The following KIAA1217 variants were observed in gnomAD, a reference collection of about 807,000 sequenced individuals.
KIAA1217 encodes the protein KIAA1217.
In KIAA1217, 88 loss-of-function variants were observed where a neutral mutation model predicts 163.9. The observed-to-expected ratio is 0.54, with a 90% CI of 0.45 to 0.64. The LOEUF (loss-of-function observed/expected upper bound fraction) is 0.64. KIAA1217 is among the 30% of genes least tolerant of loss of function. The pLI is 0.00. For missense variants in KIAA1217, 2,372 were observed against 2,475.0 expected (o/e 0.96, Z 0.88); for synonymous variants, 903 against 923.1 (o/e 0.98, Z 0.39).
intron 3 of KIAA1217, among the ~76,000 whole-genome samples, chr10:24,383,827 C>T (rs1053396677): frequency 2.5e-4 from 38 of 152,268 alleles, no homozygotes; most frequent in Middle Eastern, 3.4e-3. Context: ...TCCCCCCAGC[C>T]GCACCTGGCC....
chr10:24,213,174 C>T (rs116613222), intron 1 of KIAA1217, among the ~76,000 whole-genome samples: 16 of 152,302 alleles, frequency 1.1e-4, no homozygotes, highest in African/African-American at 2.6e-4. Context: ...GGAAGTGTAG[C>T]GCATAGTGTG....
chr10:24,035,943 G>A (rs956789395), intron 2 of KIAA1217, among the ~76,000 whole-genome samples: 1 of 152,218 alleles, frequency 6.6e-6, no homozygotes, highest in Non-Finnish European at 1.5e-5. Context: ...ATGGATGGAA[G>A]GAGCAGTCAT....
At chr10:23,710,708 T>C (rs1015324723) in intron 1 of KIAA1217, among the ~76,000 whole-genome samples, 7 of 152,224 alleles carry the variant, frequency 4.6e-5, no homozygotes, top group African/African-American at 1.7e-4. Flanking sequence ...AAGATTTATA[T>C]AGCTGTGCCT....
At chr10:23,961,715 CA>C (rs1343779004) in intron 1 of KIAA1217, among the ~76,000 whole-genome samples, 2 of 152,184 alleles carry the variant, frequency 1.3e-5, no homozygotes, top group African/African-American at 4.8e-5. Context: ...GTTGCCGTAA[CA>C]AAGCACTGCA....
At chr10:24,412,995 T>C (rs2057931869) in intron 3 of KIAA1217, among the ~76,000 whole-genome samples, 3 of 152,234 alleles carry the variant, frequency 2.0e-5, no homozygotes, top group Admixed American at 2.0e-4. Flanking sequence ...GCATCTTTAC[T>C]CATCTTTCGA....
chr10:23,871,053 C>T (rs12266081), intron 1 of KIAA1217, among the ~76,000 whole-genome samples: 1,955 of 151,246 alleles, frequency 0.013, 58 homozygotes, highest in African/African-American at 0.045. Flanking sequence ...TACTTTCCTC[C>T]GTCCTTTCAC....
intron 1 of KIAA1217, among the ~76,000 whole-genome samples, chr10:23,890,659 T>C (rs1295860413): frequency 6.6e-6 from 1 of 151,982 alleles, no homozygotes; most frequent in Non-Finnish European, 1.5e-5. Flanking sequence ...CATTATACAC[T>C]TTGGCATACA....
intron 1 of KIAA1217, among the ~76,000 whole-genome samples, chr10:23,777,789 A>G (rs182849728): frequency 1.3e-5 from 2 of 152,304 alleles, no homozygotes; most frequent in Admixed American, 6.5e-5. Context: ...CATATTCACT[A>G]TAAGGAAAGA....
intron 2 of KIAA1217, among the ~76,000 whole-genome samples, chr10:24,178,814 G>T (rs1031786435): frequency 1.3e-5 from 2 of 152,110 alleles, no homozygotes; most frequent in Admixed American, 1.3e-4. Flanking sequence ...CAACATACAG[G>T]AAGACTATGT....
At chr10:24,163,756 G>A (rs1343091234) in intron 2 of KIAA1217, among the ~76,000 whole-genome samples, 1 of 152,178 alleles carries the variant, frequency 6.6e-6, no homozygotes, top group Non-Finnish European at 1.5e-5. Context: ...AGTGGCTGGT[G>A]TTTGCATGGG....
intron 1 of KIAA1217, among the ~76,000 whole-genome samples, chr10:23,722,810 A>G (rs1442312467): frequency 6.6e-6 from 1 of 152,212 alleles, no homozygotes; most frequent in African/African-American, 2.4e-5. Flanking sequence ...GACTGCATGT[A>G]ACAGAAATCC....
chr10:23,960,783 A>G (rs1369152245), intron 1 of KIAA1217, among the ~76,000 whole-genome samples: 2 of 152,232 alleles, frequency 1.3e-5, no homozygotes, highest in Non-Finnish European at 2.9e-5. Context: ...TTAATAGTTC[A>G]TCTCATATTT....
chr10:24,292,558 TCTC>T (rs2079186585), intron 2 of KIAA1217, among the ~76,000 whole-genome samples: 2 of 152,180 alleles, frequency 1.3e-5, no homozygotes. Context: ...GAGTCAACCA[TCTC>T]CTGTTACCCT....
intron 2 of KIAA1217, among the ~76,000 whole-genome samples, chr10:24,375,992 TTTG>T (rs2052433573): frequency 6.6e-6 from 1 of 152,246 alleles, no homozygotes; most frequent in African/African-American, 2.4e-5. Flanking sequence ...TTCTTTTATC[TTTG>T]TTGTTATCTC....
chr10:23,784,829 CT>C (rs1029502205), intron 1 of KIAA1217, among the ~76,000 whole-genome samples: 5 of 151,918 alleles, frequency 3.3e-5, no homozygotes, highest in African/African-American at 1.2e-4. Context: ...GCTGTAGTTA[CT>C]TTTTGTCTGT....
intron 2 of KIAA1217, among the ~76,000 whole-genome samples, chr10:24,296,995 A>G (rs1049388911): frequency 3.3e-5 from 5 of 152,332 alleles, no homozygotes; most frequent in Middle Eastern, 6.8e-3. Context: ...CTTGATACCA[A>G]CCACAGAAGG....
intron 1 of KIAA1217, among the ~76,000 whole-genome samples, chr10:23,805,996 CAAAA>C (rs71397917): frequency 0.3 from 8,654 of 28,990 alleles, 58 homozygotes; most frequent in Admixed American, 0.33. Context: ...AACTCCATCT[CAAAA>C]AAAAAAAAAA....
In KIAA1217 at chr10:23,721,739, A is replaced by C. The variant is rs375861102; in HGVS notation, c.-321+26505A>C. 6.0e-4 allele frequency among the ~76,000 whole-genome samples: 92 copies of C among 152,294 alleles called. 1 individual carries two copies. The highest frequency in any genetic ancestry group is 1.8e-3 in the African/African-American group (73 of 41,576). Reference sequence around the variant, plus strand: ...ATATTTTTTGTCTTCTAAGACAATGAAATAAATTAACATAAGCACACTGGT... The same window carrying C: ...ATATTTTTTGTCTTCTAAGACAATGCAATAAATTAACATAAGCACACTGGT... On this transcript the variant is annotated intron_variant, in intron 1 of 18. Transcript: ENST00000376462.
At chr10:24,175,031 T>TA (rs915267051) in intron 2 of KIAA1217, among the ~76,000 whole-genome samples, 1 of 151,516 alleles carries the variant, frequency 6.6e-6, no homozygotes, top group Non-Finnish European at 1.5e-5. Context: ...TAATTTTTTT[T>TA]TTTTATTTTC....
Sources: allele counts gnomAD v4.1 joint callset (sites outside exome capture counted in the v4.1 genomes callset), GRCh38; gene constraint gnomAD v4.1.1; transcripts MANE v1.5; gene names NCBI Gene and HGNC (gene_info 2026-07-23, HGNC 2026-07-21).